The following PIGU variants were observed in gnomAD, a reference collection of about 807,000 sequenced individuals.
PIGU encodes GPI-anchor transamidase component PIGU.
In PIGU, 24 loss-of-function variants were observed where a neutral mutation model predicts 49.9. The observed-to-expected ratio is 0.48, with a 90% CI of 0.35 to 0.68. The LOEUF (loss-of-function observed/expected upper bound fraction) is 0.68, where lower values mean the gene tolerates loss of function less well. Ranked by LOEUF, PIGU falls within the 30% of genes least tolerant of loss-of-function variation. The pLI is 0.01. For missense variants in PIGU, 490 were observed against 532.6 expected, an observed-to-expected ratio of 0.92 and a Z score of 0.79; for synonymous variants, 220 against 205.7, an observed-to-expected ratio of 1.07 and a Z score of -0.59.
At chr20:34,662,304 C>T (rs902593169) in intron 1 of PIGU, among the ~76,000 whole-genome samples, 1 of 151,998 alleles carries the variant, frequency 6.6e-6, no homozygotes, top group Admixed American at 6.6e-5. Flanking sequence ...AACTCCTGGG[C>T]TCAAGCAATC....
chr20:34,657,098 T>G (rs1986726857), intron 2 of PIGU, 82 bp downstream of exon 2: 1 of 1,072,986 alleles, frequency 9.3e-7, no homozygotes, highest in African/African-American at 1.6e-5. Flanking sequence ...TTTTAAATGT[T>G]TGTACAAAAC....
rs1376731051 is a variant in PIGU at position 34,594,868 on chromosome 20, G to A, written c.628-6261C>T. 3.9e-5 allele frequency among the ~76,000 whole-genome samples: 6 copies of A among 151,958 alleles called. No individual in the cohort carries two copies. The South Asian group carries it at 8.3e-4, about 21-fold the overall frequency. ...AGCACTTTGGGAGGCTGAGGCAAGC[G>A]GATCACGAGGTCAGGAGATCAAGAC... On this transcript the variant is annotated intron_variant, in intron 7 of 11. Coordinates refer to ENST00000217446, the MANE Select transcript of PIGU (RefSeq NM_080476.5).
intron 11 of PIGU, among the ~76,000 whole-genome samples, chr20:34,562,065 T>C (rs1284773460): frequency 1.3e-5 from 2 of 152,098 alleles, no homozygotes; most frequent in Non-Finnish European, 2.9e-5. Context: ...CACAGAAGAA[T>C]CAAAGGGAGC....
At chr20:34,622,495 A>C (rs148381475) in intron 6 of PIGU, among the ~76,000 whole-genome samples, 2,486 of 152,074 alleles carry the variant, frequency 0.016, 81 homozygotes, top group African/African-American at 0.058. Context: ...CCAGCCTGGG[A>C]GACACAGCAA....
At chr20:34,628,883 T>G (rs1467877436) in intron 6 of PIGU, among the ~76,000 whole-genome samples, 1 of 152,130 alleles carries the variant, frequency 6.6e-6, no homozygotes, top group African/African-American at 2.4e-5. Context: ...TATTGATATA[T>G]GTTATATGTA....
intron 2 of PIGU, among the ~76,000 whole-genome samples, chr20:34,650,404 G>A (rs1163714637): frequency 1.3e-5 from 2 of 151,842 alleles, no homozygotes; most frequent in African/African-American, 4.8e-5. Flanking sequence ...CCAAGTAGCT[G>A]GAACTACAGG....
At chr20:34,631,769 A>T (rs1280904535) in intron 6 of PIGU, among the ~76,000 whole-genome samples, 1 of 3,200 alleles carries the variant, frequency 3.1e-4, no homozygotes, top group African/African-American at 2.2e-3. Context: ...ATATATATAT[A>T]TATATATATA....
chr20:34,649,895 C>A (rs1199056200), intron 2 of PIGU, among the ~76,000 whole-genome samples: 1 of 134,746 alleles, frequency 7.4e-6, no homozygotes, highest in African/African-American at 2.8e-5. Flanking sequence ...GTCACCCAGG[C>A]TGGAGTGCAG....
At chr20:34,666,152 C>T (rs547896127) in intron 1 of PIGU, among the ~76,000 whole-genome samples, 1 of 152,124 alleles carries the variant, frequency 6.6e-6, no homozygotes, top group East Asian at 1.9e-4. Flanking sequence ...TGCCACTGTA[C>T]TCCAGCCCGG....
chr20:34,622,479 T>C (rs1034082072), intron 6 of PIGU, among the ~76,000 whole-genome samples: 4 of 151,818 alleles, frequency 2.6e-5, no homozygotes, highest in African/African-American at 9.7e-5. Flanking sequence ...ATCACGCCAC[T>C]GCACTCCAGC....
intron 1 of PIGU, among the ~76,000 whole-genome samples, chr20:34,659,527 A>C (rs553184069): frequency 6.6e-6 from 1 of 151,516 alleles, no homozygotes; most frequent in African/African-American, 2.4e-5. Context: ...CCCTCTGCCC[A>C]GCCACCACCC....
At chr20:34,615,465 A>G (rs542700720) in intron 7 of PIGU, among the ~76,000 whole-genome samples, 12 of 152,380 alleles carry the variant, frequency 7.9e-5, no homozygotes, top group African/African-American at 2.9e-4. Flanking sequence ...GCGTTTGCAA[A>G]TATGTAAAAT....
intron 1 of PIGU, among the ~76,000 whole-genome samples, chr20:34,668,775 AT>A (rs1473675650): frequency 1.3e-5 from 2 of 151,378 alleles, no homozygotes; most frequent in African/African-American, 4.8e-5. Flanking sequence ...ACTCAAAAAA[AT>A]AAATAAATAA....
chr20:34,566,184 G>A (rs1302319363), intron 11 of PIGU, among the ~76,000 whole-genome samples: 1 of 152,250 alleles, frequency 6.6e-6, no homozygotes, highest in Non-Finnish European at 1.5e-5. Context: ...CTATCCCTCA[G>A]AGGCTCATCT....
At chr20:34,605,817 C>T (rs1443130574) in intron 7 of PIGU, among the ~76,000 whole-genome samples, 1 of 152,126 alleles carries the variant, frequency 6.6e-6, no homozygotes, top group Non-Finnish European at 1.5e-5. Context: ...CTTATTTTAT[C>T]TTTCTGCATG....
chr20:34,560,747 C>T lies in PIGU; in HGVS notation c.*119G>A. The stretch of plus-strand genomic sequence containing the variant: ...CCTTTTGGTACCAGAGACTTGTGAC[C>T]CTGGACTCGAACCTCTTCTGCCCAA... On this transcript the variant is annotated 3_prime_UTR_variant, in exon 12 of 12. Coordinates refer to ENST00000217446, the MANE Select transcript of PIGU (RefSeq NM_080476.5). 1 of 674,116 alleles carries T rather than the reference C, an allele frequency of 1.5e-6. No homozygotes were observed. Among genetic ancestry groups the T allele is most frequent in the Non-Finnish European group, 2.3e-6 (1 of 427,098 alleles). The allele number at this position is 674,116 out of a possible 1,614,324, so 41.8% of individuals were successfully genotyped here. A position where few individuals can be genotyped will look rare whatever the true frequency, so the allele number is the denominator to read the frequency against.
chr20:34,593,324 C>T (rs1007570782), intron 7 of PIGU, among the ~76,000 whole-genome samples: 11 of 118,060 alleles, frequency 9.3e-5, no homozygotes, highest in African/African-American at 2.6e-4. Flanking sequence ...GGCAACAGAG[C>T]GAGACTCTGT....
chr20:34,669,933 C>T (rs371538030), intron 1 of PIGU, among the ~76,000 whole-genome samples: 52 of 152,084 alleles, frequency 3.4e-4, no homozygotes, highest in Middle Eastern at 3.4e-3. Flanking sequence ...CTAAGCCTAA[C>T]GGCAAATGAA....
At chr20:34,575,019 T>G in intron 11 of PIGU, 85 bp downstream of exon 11, 2 of 1,539,538 alleles carry the variant, frequency 1.3e-6, no homozygotes, top group South Asian at 1.2e-5. Flanking sequence ...CCCCCCGGTA[T>G]GCAGAATCCA....
Sources: gnomAD v4.1 joint callset for allele counts (sites outside exome capture counted in the v4.1 genomes callset) on GRCh38, gnomAD v4.1.1 for gene constraint, MANE v1.5 for transcripts, NCBI Gene and HGNC (gene_info 2026-07-23, HGNC 2026-07-21) for gene names.